Variants in CDC14B observed in about 807,000 individuals in gnomAD.
The protein encoded by CDC14B is cell division cycle 14B, also known as dual specificity protein phosphatase CDC14B.
Under a neutral mutation model 64.2 loss-of-function variants are expected in CDC14B, and 22 were observed. That is an observed-to-expected ratio of 0.34 (90% confidence interval 0.24 to 0.49). The LOEUF is 0.49. CDC14B is among the 20% of genes least tolerant of loss of function. The pLI is 0.99. For synonymous variants in CDC14B, 191 were observed against 215.8 expected (o/e 0.89, Z 1.01); for missense variants, 498 against 629.9 (o/e 0.79, Z 2.24).
intron 9 of CDC14B, among the ~76,000 whole-genome samples, chr9:96,527,327 A>C (rs1837723107): frequency 6.6e-6 from 1 of 152,174 alleles, no homozygotes; most frequent in African/African-American, 2.4e-5. Flanking sequence ...TGAACCTGGG[A>C]GGCAGAGGTT....
chr9:96,499,672 A>G (rs1833398095), downstream of CDC14B, among the ~76,000 whole-genome samples: 1 of 152,230 alleles, frequency 6.6e-6, no homozygotes, highest in Admixed American at 6.5e-5. Flanking sequence ...AGATTCAAAC[A>G]CTAAAGCCCT....
At chr9:96,494,383 C>T (rs1326329713) in intron 13 of CDC14B, among the ~76,000 whole-genome samples, 1 of 152,240 alleles carries the variant, frequency 6.6e-6, no homozygotes, top group Non-Finnish European at 1.5e-5. Flanking sequence ...TGGTGCCTAG[C>T]AGGGTACTGC....
chr9:96,523,433 A>T lies in CDC14B; in HGVS notation c.1086-13T>A, dbSNP rs369067237. ...GTTGGTTTGCTTCCTAGAGCATTTA[A>T]ATAACATCAAAATAGAGCTTTCCAG... On this transcript the variant is annotated splice_polypyrimidine_tract_variant and intron_variant, in intron 10 of 13. Coordinates refer to ENST00000375241, the MANE Select transcript of CDC14B (RefSeq NM_033331.4). The T allele has an allele frequency of 6.2e-7, 1 of 1,612,628 alleles. No individual in the cohort carries two copies. Among genetic ancestry groups the T allele is most frequent in the Non-Finnish European group, 8.5e-7 (1 of 1,179,066 alleles).
intron 12 of CDC14B, 48 bp from the exon 13 acceptor site, chr9:96,509,837 G>C (rs1834671000): frequency 2.0e-5 from 23 of 1,172,994 alleles, no homozygotes; most frequent in Non-Finnish European, 2.9e-5. Flanking sequence ...GAAACCATTT[G>C]CAAATACTTG....
intron 1 of CDC14B, chr9:96,618,348 T>C: frequency 2.6e-6 from 1 of 378,278 alleles, no homozygotes; most frequent in Non-Finnish European, 5.3e-6. Flanking sequence ...TTACACAGCG[T>C]TGCCACATAC....
At chr9:96,574,934 T>C (rs150133188) in intron 1 of CDC14B, among the ~76,000 whole-genome samples, 1 of 152,216 alleles carries the variant, frequency 6.6e-6, no homozygotes, top group African/African-American at 2.4e-5. Flanking sequence ...GAAGCCTAAC[T>C]ATCCTTCCTG....
chr9:96,549,299 C>T (rs1040963063), intron 5 of CDC14B, among the ~76,000 whole-genome samples: 2 of 152,118 alleles, frequency 1.3e-5, no homozygotes, highest in South Asian at 2.1e-4. Flanking sequence ...TTGCTCTATT[C>T]GATAACTATA....
chr9:96,515,517 T>C lies in CDC14B; in HGVS notation c.1344-5728A>G. 1.1e-6 allele frequency: 1 copy of C among 871,512 alleles called. No homozygotes were observed. Among genetic ancestry groups the C allele is most frequent in the Non-Finnish European group, 1.7e-6 (1 of 599,170 alleles). The allele number at this position is 871,512 out of a possible 1,614,324, so 54.0% of individuals were successfully genotyped here. ...ACCACCATCCCATTAATTGAAAAGA[T>C]TCAGAAAAAGAACCTTTGAAAATAG... On this transcript the variant is annotated intron_variant, in intron 12 of 13. Transcript: ENST00000375241. This position sits in a 1 kb window ranked among gnomAD's most constrained non-coding sequence, Gnocchi z 4.3.
chr9:96,616,121 T>C (rs113639981), intron 1 of CDC14B, among the ~76,000 whole-genome samples: 4 of 151,200 alleles, frequency 2.6e-5, no homozygotes, highest in African/African-American at 7.3e-5. Context: ...AAGTCAGGAG[T>C]TCCAGACCAG....
chr9:96,520,895 G>C (rs1363635581), intron 12 of CDC14B, among the ~76,000 whole-genome samples: 1 of 150,620 alleles, frequency 6.6e-6, no homozygotes, highest in Non-Finnish European at 1.5e-5. Context: ...CACTGCTCGA[G>C]GGTGCTGCCT....
chr9:96,573,819 A>C (rs1256108066), intron 1 of CDC14B, among the ~76,000 whole-genome samples: 30 of 152,218 alleles, frequency 2.0e-4, no homozygotes, highest in Non-Finnish European at 1.2e-4. Flanking sequence ...AATCCAGAAG[A>C]TCACAGGACC....
chr9:96,592,485 C>T (rs1023625897), intron 1 of CDC14B, among the ~76,000 whole-genome samples: 1 of 152,166 alleles, frequency 6.6e-6, no homozygotes, highest in Non-Finnish European at 1.5e-5. Flanking sequence ...TCTTCAAAAA[C>T]AGGTTGCTGG....
At chr9:96,613,834 A>G (rs1269763849) in intron 1 of CDC14B, among the ~76,000 whole-genome samples, 1 of 152,220 alleles carries the variant, frequency 6.6e-6, no homozygotes, top group Admixed American at 6.5e-5. Flanking sequence ...ATCAAGAAAA[A>G]TATACTTCCA....
In CDC14B at chr9:96,523,743, CA is replaced by C; in HGVS notation, c.947-19del. On this transcript the variant is annotated intron_variant, in intron 9 of 13. Transcript: ENST00000375241. ...AAGGCCAGCTAGGAAAATAAAGAAG[CA>C]CAGAAATGAAACTTGGGCTGATGTA... The C allele has an allele frequency of 6.2e-7, 1 of 1,606,408 alleles. No homozygotes were observed. Among genetic ancestry groups the C allele is most frequent in the Non-Finnish European group, 8.5e-7 (1 of 1,174,138 alleles).
intron 1 of CDC14B, among the ~76,000 whole-genome samples, chr9:96,615,697 A>T (rs918743342): frequency 6.6e-6 from 1 of 152,194 alleles, no homozygotes; most frequent in African/African-American, 2.4e-5. Flanking sequence ...GTTCCTTAAA[A>T]CATTAAACGT....
At chr9:96,590,546 G>A (rs972507519) in intron 1 of CDC14B, among the ~76,000 whole-genome samples, 8 of 152,038 alleles carry the variant, frequency 5.3e-5, no homozygotes, top group Admixed American at 2.0e-4. Flanking sequence ...GTTTTCTGAG[G>A]AACCTCTATA....
chr9:96,522,931 T>TA (rs1180555146), intron 11 of CDC14B, among the ~76,000 whole-genome samples: 1 of 152,236 alleles, frequency 6.6e-6, no homozygotes. Context: ...TTTGATTTGT[T>TA]AAAAGCTCTC....
In CDC14B at chr9:96,604,053, G is replaced by C. The variant is rs546730073; in HGVS notation, c.160+15166C>G. On this transcript the variant is annotated intron_variant, in intron 1 of 13. Coordinates refer to ENST00000375241, the MANE Select transcript of CDC14B (RefSeq NM_033331.4). ...CACACTCTGTCTAGCTAAGGACGAG[G>C]AGTTCCTGGAAATGGAACTTGAACG... 2.6e-5 allele frequency among the ~76,000 whole-genome samples: 4 copies of C among 152,268 alleles called. No homozygotes were observed. In the East Asian group the frequency reaches 7.7e-4, roughly 29 times the overall value.
intron 1 of CDC14B, among the ~76,000 whole-genome samples, chr9:96,573,914 G>A (rs1364062552): frequency 5.3e-5 from 8 of 152,256 alleles, no homozygotes; most frequent in Non-Finnish European, 1.0e-4. Flanking sequence ...TTGGGAGGCC[G>A]AGGTGGGCGG....
Sources: gnomAD v4.1 joint callset for allele counts (sites outside exome capture counted in the v4.1 genomes callset) on GRCh38, gnomAD v4.1.1 for gene constraint, Gnocchi (gnomAD v3.1) non-coding constraint, MANE v1.5 for transcripts, NCBI Gene and HGNC (gene_info 2026-07-23, HGNC 2026-07-21) for gene names.